MTMR2: variants seen among roughly 807,000 people sequenced by gnomAD.
The protein encoded by MTMR2 is phosphatidylinositol-3,5-bisphosphate 3-phosphatase MTMR2.
Under a neutral mutation model 86.9 loss-of-function variants are expected in MTMR2, and 55 were observed. The observed-to-expected ratio is 0.63, with a 90% CI of 0.51 to 0.79. The LOEUF is 0.79. Among genes scored for constraint, MTMR2 ranks in the 30% least tolerant of loss-of-function variants. The probability of loss-of-function intolerance (pLI) is 0.00; values close to 1 mark genes in which losing one functional copy is unlikely to be tolerated. For synonymous variants in MTMR2, 241 were observed against 266.8 expected, an observed-to-expected ratio of 0.90 and a Z score of 0.94; for missense variants, 659 against 772.3, an observed-to-expected ratio of 0.85 and a Z score of 1.74.
chr11:95,897,806 T>G (rs1479551358), intron 1 of MTMR2, among the ~76,000 whole-genome samples: 1 of 152,140 alleles, frequency 6.6e-6, no homozygotes, highest in African/African-American at 2.4e-5. Flanking sequence ...CAGACTAAAC[T>G]GGACCAGACT....
rs116264039 is a variant in MTMR2 at position 95,863,343 on chromosome 11, A to T, written c.263-977T>A. Among the ~76,000 whole-genome samples the T allele has an allele frequency of 1.6e-3, 236 of 152,240 alleles. 1 individual carries two copies. The highest frequency in any genetic ancestry group is 5.5e-3 in the African/African-American group (230 of 41,546). On this transcript the variant is annotated intron_variant, in intron 3 of 14. Transcript: ENST00000346299. ...ACCTCCTGACTTTGCTTCTCATTCA[A>T]CACTTCGAAGGACTGGCTGCTTTGT...
Position 95,924,031 on chromosome 11 carries a change from G to A in MTMR2, c.-77C>T. ...GGGCGGGAGAAGCGGAGGGCGGAGT[G>A]CTACGGACCGGGGCCGCAGTCAGGC... On this transcript the variant is annotated 5_prime_UTR_variant, in exon 1 of 15. Transcript: ENST00000346299. 5 of 1,527,410 alleles carry A rather than the reference G, an allele frequency of 3.3e-6. No individual in the cohort carries two copies. The highest frequency in any genetic ancestry group is 4.4e-6 in the Non-Finnish European group (5 of 1,127,280). The allele number at this position is 1,527,410 out of a possible 1,614,324, so 94.6% of individuals were successfully genotyped here.
At chr11:95,920,454 C>A (rs899374465) in intron 1 of MTMR2, among the ~76,000 whole-genome samples, 1 of 150,598 alleles carries the variant, frequency 6.6e-6, no homozygotes, top group Non-Finnish European at 1.5e-5. Flanking sequence ...GTTACAGGTG[C>A]GTGCCACCAC....
At chr11:95,860,150 C>G (rs1391776944) in intron 5 of MTMR2, among the ~76,000 whole-genome samples, 1 of 152,176 alleles carries the variant, frequency 6.6e-6, no homozygotes, top group Non-Finnish European at 1.5e-5. Flanking sequence ...GATCAGGAAA[C>G]AGTGTGCTTG....
At chr11:95,836,090 G>A (rs1181363555) in intron 14 of MTMR2, 58 bp downstream of exon 14, 10 of 1,488,254 alleles carry the variant, frequency 6.7e-6, no homozygotes, top group East Asian at 2.3e-5. Flanking sequence ...CTGCTTTTAA[G>A]GAGACAAAGT....
intron 1 of MTMR2, among the ~76,000 whole-genome samples, chr11:95,911,057 C>A (rs1186936565): frequency 3.3e-5 from 5 of 151,962 alleles, no homozygotes; most frequent in Non-Finnish European, 7.4e-5. Flanking sequence ...TTAAACTTAG[C>A]CAATTCATAA....
chr11:95,869,432 C>T (rs1396845920), intron 2 of MTMR2, among the ~76,000 whole-genome samples: 1 of 152,108 alleles, frequency 6.6e-6, no homozygotes, highest in African/African-American at 2.4e-5. Flanking sequence ...GTGCTTTTTT[C>T]TCTGCTCTAG....
In MTMR2 at chr11:95,909,073, A is replaced by AT. The variant is rs951895812; in HGVS notation, c.80+14801dup. Among the ~76,000 whole-genome samples the AT allele has an allele frequency of 4.0e-5, 6 of 151,750 alleles. 1 individual carries two copies. Among genetic ancestry groups the AT allele is most frequent in the South Asian group, 4.2e-4 (2 of 4,790 alleles). On this transcript the variant is annotated intron_variant, in intron 1 of 14. Transcript: ENST00000346299. Reference sequence around the variant, plus strand: ...ATCTGATTCTTAGTCATTCCCACACATTTTTTTCTCTGCTGTTATTATAAC... The same window carrying AT: ...ATCTGATTCTTAGTCATTCCCACACATTTTTTTTCTCTGCTGTTATTATAAC...
intron 12 of MTMR2, among the ~76,000 whole-genome samples, chr11:95,840,335 A>G (rs546553): frequency 0.19 from 28,120 of 151,884 alleles, 6,292 homozygotes; most frequent in African/African-American, 0.54. Context: ...GGCTATTTAA[A>G]ACTGAATATG....
intron 7 of MTMR2, among the ~76,000 whole-genome samples, chr11:95,851,135 G>A (rs1023167886): frequency 7.6e-6 from 1 of 131,084 alleles, no homozygotes; most frequent in African/African-American, 3.0e-5. Flanking sequence ...CGATCTCAGC[G>A]CACTGCAACC....
chr11:95,850,888 G>A (rs898592585), intron 7 of MTMR2, 139 bp from the exon 8 acceptor site: 9 of 792,514 alleles, frequency 1.1e-5, no homozygotes, highest in Non-Finnish European at 1.9e-5. Context: ...TTGTCAGCCT[G>A]TGGTATCAGG....
In MTMR2 at chr11:95,841,607, G is replaced by A; in HGVS notation, c.1479+10C>T. Reference sequence around the variant, plus strand: ...GAGATGTGTAAGAATACATAGGCCAGATAAATTACCTGTCTTGTCATCTGC... The same window carrying A: ...GAGATGTGTAAGAATACATAGGCCAAATAAATTACCTGTCTTGTCATCTGC... On this transcript the variant is annotated intron_variant, in intron 12 of 14. Transcript: ENST00000346299. 2 of 1,574,672 alleles carry A rather than the reference G, an allele frequency of 1.3e-6. No homozygotes were observed. The highest frequency in any genetic ancestry group is 2.2e-5 in the South Asian group (2 of 90,652).
chr11:95,835,373 C>T lies in MTMR2; in HGVS notation c.1849G>A (p.Glu617Lys). 1 of 1,613,164 alleles carries T rather than the reference C, an allele frequency of 6.2e-7. No homozygotes were observed. The highest frequency in any genetic ancestry group is 8.5e-7 in the Non-Finnish European group (1 of 1,179,400). ...LQKKVEELQR[E>K]ISNRSTSSSE... Reference sequence around the variant, plus strand: ...GATGAGGTTGATCGGTTAGAAATCTCTCTCTGTAGTTCCTCTACTTTTTTC... The same window carrying T: ...GATGAGGTTGATCGGTTAGAAATCTTTCTCTGTAGTTCCTCTACTTTTTTC... The change falls in exon 15 of 15, where the codon GAG becomes AAG. Residue 617 changes from glutamate (E) to lysine (K), a missense_variant. Transcript: ENST00000346299.
intron 1 of MTMR2, among the ~76,000 whole-genome samples, chr11:95,892,773 T>C (rs1865757274): frequency 6.6e-6 from 1 of 152,206 alleles, no homozygotes; most frequent in African/African-American, 2.4e-5. Flanking sequence ...ACTAATTCTC[T>C]TCCTAATCTT....
intron 2 of MTMR2, among the ~76,000 whole-genome samples, chr11:95,885,091 G>A (rs1865468857): frequency 6.6e-6 from 1 of 152,050 alleles, no homozygotes; most frequent in Admixed American, 6.6e-5. Context: ...AACAATTCCT[G>A]CAAACAGAGC....
chr11:95,867,333 C>T (rs609598), intron 2 of MTMR2, among the ~76,000 whole-genome samples: 25,183 of 152,020 alleles, frequency 0.17, 4,685 homozygotes, highest in African/African-American at 0.46. Flanking sequence ...TACATTTCTA[C>T]ATTCAGAAAG....
chr11:95,841,741 AG>A, intron 11 of MTMR2, 32 bp from the exon 12 acceptor site: 1 of 1,464,560 alleles, frequency 6.8e-7, no homozygotes, highest in Non-Finnish European at 9.6e-7. Context: ...ATATGAACTT[AG>A]GGGGATTTTT....
intron 2 of MTMR2, among the ~76,000 whole-genome samples, chr11:95,881,139 T>TA (rs1389676726): frequency 6.6e-6 from 1 of 151,568 alleles, no homozygotes; most frequent in Admixed American, 6.6e-5. Flanking sequence ...TTTTTTTTTT[T>TA]AAACATGGCC....
At position 95,862,052 on chromosome 11, in the gene MTMR2, T is replaced by G. The variant is rs1555065024; in HGVS notation, c.408A>C (p.Glu136Asp). Reference sequence around the variant, plus strand: ...CTCGACTAGAAGCACCACCAATTTTTTCTACTCTATTTATCACACCAAGGG... The same window carrying G: ...CTCGACTAGAAGCACCACCAATTTTGTCTACTCTATTTATCACACCAAGGG... Reference protein sequence around the residue: ...DASLGVINRVEKIGGASSRGE... With the variant: ...DASLGVINRVDKIGGASSRGE... The change falls in exon 5 of 15, where the codon GAA (glutamate) becomes GAC (aspartate). Residue 136 changes from glutamate to aspartate, a missense_variant. Physicochemically the swap from Glu to Asp is conservative, Grantham distance 45 (BLOSUM62 2). Transcript: ENST00000346299. 6 of 1,613,980 alleles carry G rather than the reference T, an allele frequency of 3.7e-6. No homozygotes were observed. Among genetic ancestry groups the G allele is most frequent in the Non-Finnish European group, 5.1e-6 (6 of 1,179,926 alleles).
Sources: allele counts gnomAD v4.1 joint callset (sites outside exome capture counted in the v4.1 genomes callset), GRCh38; gene constraint gnomAD v4.1.1; transcripts MANE v1.5; gene names NCBI Gene and HGNC (gene_info 2026-07-23, HGNC 2026-07-21).